Variants in PEX5L observed in about 807,000 individuals in gnomAD.
PEX5L encodes the protein PEX5-related protein.
PEX5L carries 30 observed loss-of-function variants against 84.0 expected under a neutral mutation model. The ratio of observed to expected loss-of-function variants is 0.36; its 90% CI spans 0.27 to 0.48. PEX5L has a LOEUF of 0.48. PEX5L is among the 20% of genes least tolerant of loss of function. The pLI, the probability that PEX5L is intolerant of heterozygous loss-of-function variation, is 0.99. For synonymous variants in PEX5L, 270 were observed against 283.1 expected, an observed-to-expected ratio of 0.95 and a Z score of 0.46; for missense variants, 533 against 754.6, an observed-to-expected ratio of 0.71 and a Z score of 3.44.
chr3:179,911,978 C>T (rs2109228352), intron 2 of PEX5L, among the ~76,000 whole-genome samples: 1 of 152,248 alleles, frequency 6.6e-6, no homozygotes, highest in Non-Finnish European at 1.5e-5. Context: ...CTAATTAGTA[C>T]ACTGGTTTGT....
intron 2 of PEX5L, among the ~76,000 whole-genome samples, chr3:179,949,159 A>T (rs1778404962): frequency 6.6e-6 from 1 of 152,164 alleles, no homozygotes; most frequent in African/African-American, 2.4e-5. Flanking sequence ...TCTATTTTAA[A>T]AACTTGTTTT....
intron 1 of PEX5L, among the ~76,000 whole-genome samples, chr3:180,018,925 G>A (rs2110498586): frequency 6.6e-6 from 1 of 152,214 alleles, no homozygotes; most frequent in Admixed American, 6.5e-5. Flanking sequence ...AGCAAGCCTA[G>A]AGTTTTCGGG....
chr3:179,809,072 T>C (rs1442997822), intron 12 of PEX5L, among the ~76,000 whole-genome samples: 2 of 3,756 alleles, frequency 5.3e-4, no homozygotes, highest in South Asian at 6.3e-3. Flanking sequence ...AGATTCCGCC[T>C]CAAAAAAAAA....
chr3:180,006,646 C>T (rs904659702), intron 1 of PEX5L, among the ~76,000 whole-genome samples: 3 of 152,200 alleles, frequency 2.0e-5, no homozygotes, highest in African/African-American at 7.2e-5. Context: ...ATTGGACCTA[C>T]AGTTCCACAT....
chr3:180,020,374 A>G (rs1287758737), intron 1 of PEX5L, among the ~76,000 whole-genome samples: 1 of 152,052 alleles, frequency 6.6e-6, no homozygotes, highest in African/African-American at 2.4e-5. Flanking sequence ...TTACACATAT[A>G]TCCTATTTTA....
intron 8 of PEX5L, among the ~76,000 whole-genome samples, chr3:179,827,964 A>G (rs1318741360): frequency 1.3e-5 from 2 of 152,138 alleles, no homozygotes; most frequent in African/African-American, 4.8e-5. Flanking sequence ...ATCCTGCTAA[A>G]TCAGTCTAGA....
chr3:179,833,803 T>G (rs908686154), intron 8 of PEX5L, among the ~76,000 whole-genome samples: 1 of 152,098 alleles, frequency 6.6e-6, no homozygotes, highest in Non-Finnish European at 1.5e-5. Context: ...AAAGTCTCTC[T>G]CTCTCTCACA....
At position 179,802,763 on chromosome 3, in the gene PEX5L, C is replaced by T. The variant is rs1328827747; in HGVS notation, c.1677-731G>A. Among the ~76,000 whole-genome samples the T allele has an allele frequency of 3.3e-5, 5 of 152,016 alleles. No individual in the cohort carries two copies. In the East Asian group the frequency reaches 7.7e-4, roughly 24 times the overall value. On this transcript the variant is annotated intron_variant, in intron 14 of 14. Coordinates refer to ENST00000467460, the MANE Select transcript of PEX5L (RefSeq NM_016559.3). The stretch of plus-strand genomic sequence containing the variant: ...TTAAAAACAAAGTGGTCTAATTTTT[C>T]CCATTAGTGCTAGATGTATGGAACA...
intron 2 of PEX5L, among the ~76,000 whole-genome samples, chr3:179,917,950 C>T (rs547397037): frequency 7.9e-5 from 12 of 152,246 alleles, no homozygotes; most frequent in East Asian, 1.9e-4. Flanking sequence ...TGAGCCACTG[C>T]GCCTGGCCTT....
chr3:179,989,660 T>C (rs1462631615), intron 1 of PEX5L, among the ~76,000 whole-genome samples: 1 of 152,192 alleles, frequency 6.6e-6, no homozygotes, highest in Non-Finnish European at 1.5e-5. Context: ...TTATTTCCCA[T>C]AAACTTGGCC....
At chr3:179,906,546 G>T (rs1435809398) in intron 2 of PEX5L, among the ~76,000 whole-genome samples, 1 of 152,120 alleles carries the variant, frequency 6.6e-6, no homozygotes, top group African/African-American at 2.4e-5. Context: ...AATGTAGAAA[G>T]ATATGTTGTT....
At chr3:179,940,909 G>T (rs568146460) in intron 2 of PEX5L, among the ~76,000 whole-genome samples, 1 of 152,250 alleles carries the variant, frequency 6.6e-6, no homozygotes, top group African/African-American at 2.4e-5. Context: ...AGAAACAGGA[G>T]GGGAAGAGTC....
intron 2 of PEX5L, among the ~76,000 whole-genome samples, chr3:179,938,550 C>A (rs1296956843): frequency 6.6e-6 from 1 of 152,176 alleles, no homozygotes; most frequent in East Asian, 1.9e-4. Context: ...CATCCATCCA[C>A]TGGGGTTGGC....
At chr3:179,858,064 A>T (rs576810418) in intron 8 of PEX5L, among the ~76,000 whole-genome samples, 6 of 152,368 alleles carry the variant, frequency 3.9e-5, no homozygotes, top group Admixed American at 3.9e-4. Flanking sequence ...TTTAAATATT[A>T]AACTGCAAAT....
intron 14 of PEX5L, among the ~76,000 whole-genome samples, chr3:179,802,532 CAA>C (rs369244711): frequency 0.032 from 2,379 of 73,642 alleles, 16 homozygotes; most frequent in Middle Eastern, 0.15. Context: ...GAGACTGTCT[CAA>C]AAAAAAAAAA....
chr3:180,034,971 T>C (rs6443687), intron 1 of PEX5L, among the ~76,000 whole-genome samples: 32,080 of 152,140 alleles, frequency 0.21, 3,953 homozygotes, highest in African/African-American at 0.35. Context: ...AAAATTGTTT[T>C]TGGGTGCATG....
At chr3:179,831,658 A>T (rs1732994734) in intron 8 of PEX5L, among the ~76,000 whole-genome samples, 1 of 152,076 alleles carries the variant, frequency 6.6e-6, no homozygotes, top group Non-Finnish European at 1.5e-5. Context: ...GCTCTGGGAG[A>T]GGAGAGAACC....
intron 2 of PEX5L, among the ~76,000 whole-genome samples, chr3:179,932,197 G>A (rs1773303312): frequency 6.6e-6 from 1 of 151,966 alleles, no homozygotes; most frequent in East Asian, 1.9e-4. Flanking sequence ...CAGGACATAG[G>A]GAGCAGGGGA....
intron 1 of PEX5L, among the ~76,000 whole-genome samples, chr3:179,991,868 A>ACAAAGTATATTT (rs1787409954): frequency 6.6e-6 from 1 of 152,232 alleles, no homozygotes. Context: ...GGTAGACATA[A>ACAAAGTATATTT]CAAAGTATAT....
Sources: allele counts gnomAD v4.1 joint callset (sites outside exome capture counted in the v4.1 genomes callset), GRCh38; gene constraint gnomAD v4.1.1; transcripts MANE v1.5; gene names NCBI Gene and HGNC (gene_info 2026-07-23, HGNC 2026-07-21).